Variants in HIVEP2 observed in about 807,000 individuals in gnomAD.
HIVEP2 encodes the protein HIVEP zinc finger 2, also known as transcription factor HIVEP2.
Under a neutral mutation model 180.7 loss-of-function variants are expected in HIVEP2, and 14 were observed. The ratio of observed to expected loss-of-function variants is 0.08; its 90% CI spans 0.05 to 0.12. The LOEUF (loss-of-function observed/expected upper bound fraction) is 0.12, where lower values mean the gene tolerates loss of function less well. Ranked by LOEUF, HIVEP2 falls within the 10% of genes least tolerant of loss-of-function variation. HIVEP2 has a pLI of 1.00. For missense variants in HIVEP2, 2,579 were observed against 3,008.5 expected (o/e 0.86, Z 3.34); for synonymous variants, 1,184 against 1,136.4 (o/e 1.04, Z -0.84).
At chr6:142,800,583 T>G (rs937807667) in intron 2 of HIVEP2, among the ~76,000 whole-genome samples, 1 of 152,192 alleles carries the variant, frequency 6.6e-6, no homozygotes, top group African/African-American at 2.4e-5. Context: ...GAGAATGATT[T>G]AGTTTTATTG....
At chr6:142,852,115 T>C (rs1775696715) in intron 1 of HIVEP2, among the ~76,000 whole-genome samples, 1 of 152,130 alleles carries the variant, frequency 6.6e-6, no homozygotes, top group Non-Finnish European at 1.5e-5. Context: ...TTCCACTAGG[T>C]TAATTTTGGA....
Position 142,769,947 on chromosome 6 carries a change from C to T in HIVEP2, c.4792G>A (p.Gly1598Arg). The T allele has an allele frequency of 1.9e-6, 3 of 1,614,078 alleles. No homozygotes were observed. The highest frequency in any genetic ancestry group is 1.7e-6 in the Non-Finnish European group (2 of 1,180,040). The change falls in exon 5 of 10, where the codon GGG (glycine) becomes AGG (arginine). Residue 1598 changes from glycine (G) to arginine (R), a missense_variant. Gly to Arg is a moderately radical substitution (Grantham distance 125). Transcript: ENST00000367603. ...PAGDGQLEEEGKGHKRPVGML... is the reference protein window; with the variant it reads ...PAGDGQLEEERKGHKRPVGML... ...CCAACAGGCCGCTTGTGGCCCTTCC[C>T]TTCCTCTTCCAGCTGACCATCTCCT...
At chr6:142,916,343 T>C (rs1318401963) in intron 1 of HIVEP2, among the ~76,000 whole-genome samples, 1 of 152,192 alleles carries the variant, frequency 6.6e-6, no homozygotes, top group East Asian at 1.9e-4. Context: ...TCCATTCAAG[T>C]TGGGATGAAG....
At chr6:142,800,903 CT>C (rs1776388449) in intron 2 of HIVEP2, among the ~76,000 whole-genome samples, 4 of 151,994 alleles carry the variant, frequency 2.6e-5, no homozygotes, top group African/African-American at 9.7e-5. Flanking sequence ...TCTTTTGTTG[CT>C]TTTTGATGTT....
intron 1 of HIVEP2, among the ~76,000 whole-genome samples, chr6:142,847,522 A>G (rs1041159723): frequency 6.6e-6 from 1 of 152,130 alleles, no homozygotes; most frequent in Non-Finnish European, 1.5e-5. Flanking sequence ...TTATCTCCAA[A>G]CTCCTTATAA....
At chr6:142,870,534 A>C (rs1776265296) in intron 1 of HIVEP2, among the ~76,000 whole-genome samples, 1 of 152,118 alleles carries the variant, frequency 6.6e-6, no homozygotes, top group Non-Finnish European at 1.5e-5. Context: ...ACAGGTCATC[A>C]AACTGAACCA....
Position 142,760,365 on chromosome 6 carries a change from A to G in HIVEP2, c.5923T>C (p.Leu1975=). The change falls in exon 9 of 10, where the codon TTG becomes CTG. Residue 1975 remains leucine (L), a synonymous_variant. Coordinates refer to ENST00000367603, the MANE Select transcript of HIVEP2 (RefSeq NM_006734.4). The part of the protein sequence containing the change: ...HSSLISYLVT[L]PSIRVTQLMT... ...AGCTGAGTAACTCGAATACTTGGCAAAGTAACCAAATAGCTGATCAACGAA... is the reference window on the plus strand; with the variant it reads ...AGCTGAGTAACTCGAATACTTGGCAGAGTAACCAAATAGCTGATCAACGAA... 6.2e-6 allele frequency: 10 copies of G among 1,614,242 alleles called. No individual in the cohort carries two copies. The highest frequency in any genetic ancestry group is 8.5e-6 in the Non-Finnish European group (10 of 1,180,042).
At chr6:142,826,697 T>C (rs1774912862) in intron 2 of HIVEP2, among the ~76,000 whole-genome samples, 1 of 152,242 alleles carries the variant, frequency 6.6e-6, no homozygotes, top group Non-Finnish European at 1.5e-5. Context: ...TGTTGTATTC[T>C]AGCAGGCTGA....
intron 1 of HIVEP2, among the ~76,000 whole-genome samples, chr6:142,923,249 T>G (rs542257279): frequency 1.3e-5 from 2 of 151,896 alleles, no homozygotes; most frequent in East Asian, 3.9e-4. Context: ...GGGAATTGCT[T>G]GAATCCGGGA....
intron 6 of HIVEP2, 35 bp from the exon 7 acceptor site, chr6:142,765,009 A>T: frequency 2.5e-6 from 4 of 1,573,696 alleles, no homozygotes; most frequent in Non-Finnish European, 3.5e-6. Flanking sequence ...TGTGTTTTCA[A>T]ATATTCTTAG....
At chr6:142,831,268 C>T (rs1483176768) in intron 2 of HIVEP2, among the ~76,000 whole-genome samples, 16 of 152,206 alleles carry the variant, frequency 1.1e-4, no homozygotes, top group Non-Finnish European at 1.5e-5. Context: ...CGAGTCTCCA[C>T]TGAGGTCTGC....
intron 1 of HIVEP2, among the ~76,000 whole-genome samples, chr6:142,841,468 T>G (rs1329609477): frequency 6.6e-6 from 1 of 152,096 alleles, no homozygotes; most frequent in Non-Finnish European, 1.5e-5. Flanking sequence ...TAGTTTTAAT[T>G]ACTGTTGTTT....
chr6:142,834,676 G>T (rs1371662544), intron 2 of HIVEP2, among the ~76,000 whole-genome samples: 2 of 152,028 alleles, frequency 1.3e-5, no homozygotes, highest in East Asian at 3.8e-4. Flanking sequence ...ATAATAATTT[G>T]TATGTACTAA....
At position 142,793,656 on chromosome 6, in the gene HIVEP2, C is replaced by CTTTCTTTCTTTCTTTT. The variant is rs1269273663; in HGVS notation, c.-527-10042_-527-10041insAAAAGAAAGAAAGAAA. On this transcript the variant is annotated intron_variant, in intron 2 of 9. Transcript: ENST00000367603. ...TCTTTCTTTCTTTCTTTCTTTCTTT[C>CTTTCTTTCTTTCTTTT]TTTTTTCTTTCTTTCTTTCTCTCTC... Among the ~76,000 whole-genome samples, 290 of 77,302 alleles carry CTTTCTTTCTTTCTTTT rather than the reference C, an allele frequency of 3.8e-3. 1 individual carries two copies. The highest frequency in any genetic ancestry group is 0.021 in the East Asian group (43 of 2,022). 50.7% of individuals were successfully genotyped at this position (77,302 alleles called of 152,430 possible).
chr6:142,847,438 G>C (rs535359967), intron 1 of HIVEP2, among the ~76,000 whole-genome samples: 4 of 149,758 alleles, frequency 2.7e-5, no homozygotes, highest in Middle Eastern at 3.4e-3. Flanking sequence ...AAAAAAAGAC[G>C]AAAAAGAGTT....
intron 1 of HIVEP2, among the ~76,000 whole-genome samples, chr6:142,911,612 G>A (rs1169443084): frequency 6.6e-6 from 1 of 152,190 alleles, no homozygotes; most frequent in Non-Finnish European, 1.5e-5. Context: ...ATAGGACAAA[G>A]CTGGTCCTTT....
At chr6:142,844,272 C>T (rs1006189692) in intron 1 of HIVEP2, among the ~76,000 whole-genome samples, 1 of 151,670 alleles carries the variant, frequency 6.6e-6, no homozygotes, top group Non-Finnish European at 1.5e-5. Context: ...TCAATACAAA[C>T]ATAAACATTC....
rs1775520711 is a variant in HIVEP2 at position 142,770,891 on chromosome 6, G to A, written c.3848C>T (p.Ser1283Leu). The change falls in exon 5 of 10, where the codon TCA (serine) becomes TTA (leucine). Residue 1283 changes from serine to leucine, a missense_variant. This residue lies in a region of HIVEP2 where 523 missense variants were observed against 577.0 expected (regional missense o/e 0.91). Coordinates refer to ENST00000367603, the MANE Select transcript of HIVEP2 (RefSeq NM_006734.4). This position sits in a 1 kb window ranked among gnomAD's most constrained non-coding sequence, Gnocchi z 4.7. ...HTKEQTYPCY[S>L]GASGLHPKNL... Reference sequence around the variant, plus strand: ...CTTTGGGTGTAGCCCTGATGCTCCTGAATAACATGGGTAGGTCTGCTCTTT... The same window carrying A: ...CTTTGGGTGTAGCCCTGATGCTCCTAAATAACATGGGTAGGTCTGCTCTTT... 6.2e-7 allele frequency: 1 copy of A among 1,614,084 alleles called. No homozygotes were observed. Among genetic ancestry groups the A allele is most frequent in the African/African-American group, 1.3e-5 (1 of 74,928 alleles).
rs182852866 is a variant in HIVEP2 at position 142,770,925 on chromosome 6, C to T, written c.3814G>A (p.Ala1272Thr). 33 of 1,614,086 alleles carry T rather than the reference C, an allele frequency of 2.0e-5. No homozygotes were observed. In the African/African-American group the frequency reaches 3.9e-4, roughly 19 times the overall value. ...GGGTAGGTCTGCTCTTTCGTGTGTGCATACTCAGCAGGTTTCTTTCCAGTG... is the reference window on the plus strand; with the variant it reads ...GGGTAGGTCTGCTCTTTCGTGTGTGTATACTCAGCAGGTTTCTTTCCAGTG... ...EHTGKKPAEY[A>T]HTKEQTYPCY... Residue 1272 changes from alanine (A) to threonine (T), a missense_variant, in exon 5 of 10, where the codon GCA becomes ACA. Ala to Thr is a moderately conservative substitution (Grantham distance 58, BLOSUM62 0). Coordinates refer to ENST00000367603, the MANE Select transcript of HIVEP2 (RefSeq NM_006734.4). This position sits in a 1 kb window ranked among gnomAD's most constrained non-coding sequence, Gnocchi z 4.7.
Sources: gnomAD v4.1 joint callset for allele counts (sites outside exome capture counted in the v4.1 genomes callset) on GRCh38, gnomAD v4.1.1 for gene constraint, gnomAD v4.1.1 regional missense constraint, Gnocchi (gnomAD v3.1) non-coding constraint, MANE v1.5 for transcripts, NCBI Gene and HGNC (gene_info 2026-07-23, HGNC 2026-07-21) for gene names.